The following REPS2 variants were observed in gnomAD, a reference collection of about 807,000 sequenced individuals.
The protein encoded by REPS2 is ralBP1-associated Eps domain-containing protein 2.
Under a neutral mutation model 53.6 loss-of-function variants are expected in REPS2, and 23 were observed. That is an observed-to-expected ratio of 0.43 (90% CI 0.31 to 0.61). The LOEUF (loss-of-function observed/expected upper bound fraction) is 0.61. REPS2 is among the 20% of genes least tolerant of loss of function. REPS2 has a pLI of 0.11. For synonymous variants in REPS2, 238 were observed against 218.6 expected (o/e 1.09, Z -0.78); for missense variants, 446 against 534.9 (o/e 0.83, Z 1.64).
chrX:17,098,655 G>T (rs759919101), intron 13 of REPS2, among the ~76,000 whole-genome samples: 2 of 110,759 alleles, frequency 1.8e-5, no homozygotes, highest in South Asian at 7.7e-4. Context: ...CCACTGCCCA[G>T]TATGAAAGTT....
At chrX:17,057,333 T>A (rs2062084518) in intron 8 of REPS2, among the ~76,000 whole-genome samples, 1 of 112,350 alleles carries the variant, frequency 8.9e-6, no homozygotes, top group Non-Finnish European at 1.9e-5. Context: ...ATAAAAAGTC[T>A]GTCATTTTCT....
chrX:16,986,195 T>C (rs1188854913), intron 1 of REPS2, among the ~76,000 whole-genome samples: 2 of 112,260 alleles, frequency 1.8e-5, no homozygotes. Flanking sequence ...CTTTCTAATA[T>C]GTGTCGGCTC....
rs191693279 is a variant in REPS2, at chrX:17,103,282, C to T, written c.1517-436C>T. Among the ~76,000 whole-genome samples the T allele has an allele frequency of 2.4e-3, 271 of 111,871 alleles. 1 individual carries two copies. The highest frequency in any genetic ancestry group is 7.5e-3 in the African/African-American group (231 of 30,816). On this transcript the variant is annotated intron_variant, in intron 13 of 17. Transcript: ENST00000357277. ...TGGCCAAGCTTCCTCATTTGGGTTC[C>T]AGCTCTCTTAGTTTCTGTAGCCTAC...
At chrX:17,110,328 T>G (rs867384928) in intron 14 of REPS2, among the ~76,000 whole-genome samples, 300 of 105,729 alleles carry the variant, frequency 2.8e-3, no homozygotes, top group Middle Eastern at 9.6e-3. Context: ...TTTTTTTTTT[T>G]GGGAATATCT....
the REPS2 span, among the ~76,000 whole-genome samples, chrX:17,180,616 T>C: frequency 1.0e-5 from 1 of 98,941 alleles, no homozygotes; most frequent in Non-Finnish European, 2.0e-5. Context: ...GTTCTCTCTC[T>C]CTCTCTCTCA....
chrX:17,117,524 G>A (rs1318757311), intron 14 of REPS2, among the ~76,000 whole-genome samples: 8 of 110,534 alleles, frequency 7.2e-5, no homozygotes, highest in Non-Finnish European at 1.3e-4. Context: ...AACATGCAGT[G>A]TTTGGTTTTT....
intron 1 of REPS2, among the ~76,000 whole-genome samples, chrX:16,954,858 T>A (rs1250789506): frequency 1.1e-5 from 1 of 94,971 alleles, no homozygotes; most frequent in African/African-American, 3.8e-5. Context: ...TCGCCCGGGC[T>A]GAAGTGCAGT....
At chrX:17,159,873 G>A in the REPS2 span, among the ~76,000 whole-genome samples, 1 of 112,033 alleles carries the variant, frequency 8.9e-6, no homozygotes, top group African/African-American at 3.2e-5. Context: ...TAGCCAAAAT[G>A]TGACCACTGG....
At chrX:17,066,905 A>G (rs1259482392) in intron 9 of REPS2, among the ~76,000 whole-genome samples, 2 of 111,897 alleles carry the variant, frequency 1.8e-5, no homozygotes, top group Admixed American at 9.5e-5. Flanking sequence ...AAGACTGTTA[A>G]ATCTTAGACC....
intron 14 of REPS2, among the ~76,000 whole-genome samples, chrX:17,118,228 G>C (rs1183742172): frequency 9.1e-6 from 1 of 109,416 alleles, no homozygotes; most frequent in Non-Finnish European, 1.9e-5. Context: ...CAAAGTGCTG[G>C]GATTACAGGC....
the REPS2 span, among the ~76,000 whole-genome samples, chrX:17,159,854 T>G: frequency 8.9e-6 from 1 of 112,010 alleles, no homozygotes; most frequent in Non-Finnish European, 1.9e-5. Context: ...CCTCCTCCTT[T>G]CCTTGAACTA....
At position 17,022,039 on chromosome X, in the gene REPS2, T is replaced by C. The variant is rs1309114227; in HGVS notation, c.398-84T>C. On this transcript the variant is annotated intron_variant, in intron 2 of 17. Coordinates refer to ENST00000357277, the MANE Select transcript of REPS2 (RefSeq NM_004726.3). ...CTCTGGAATTTTTCCTCAAAAATGA[T>C]TCATCGTTTGGCCATTGAGTTCCCC... 4 of 865,387 alleles carry C rather than the reference T, an allele frequency of 4.6e-6. No homozygotes were observed. In the South Asian group the frequency reaches 1.1e-4, roughly 25 times the overall value. 71.3% of individuals were successfully genotyped at this position (865,387 alleles called of 1,213,427 possible).
chrX:17,145,666 C>G (rs2063503161), intron 17 of REPS2, among the ~76,000 whole-genome samples: 1 of 111,542 alleles, frequency 9.0e-6, no homozygotes, highest in Non-Finnish European at 1.9e-5. Flanking sequence ...CTGACGGAAG[C>G]CATTTTCATT....
At chrX:17,027,659 G>GTTTTTT (rs761592588) in intron 4 of REPS2, among the ~76,000 whole-genome samples, 5 of 67,282 alleles carry the variant, frequency 7.4e-5, no homozygotes, top group African/African-American at 1.2e-4. Context: ...AAATCTTTAG[G>GTTTTTT]TTTTTTTTTT....
the REPS2 span, among the ~76,000 whole-genome samples, chrX:17,176,494 CAGAAG>C: frequency 2.7e-5 from 3 of 111,869 alleles, no homozygotes; most frequent in African/African-American, 6.5e-5. Context: ...CAGCAGTATG[CAGAAG>C]AGAAGGAAAT....
chrX:17,191,730 A>G, the REPS2 span, among the ~76,000 whole-genome samples: 1 of 112,661 alleles, frequency 8.9e-6, no homozygotes, highest in Non-Finnish European at 1.9e-5. Flanking sequence ...AACAACATGG[A>G]TTATTCTTAA....
intron 2 of REPS2, among the ~76,000 whole-genome samples, chrX:17,010,909 C>T (rs2061421071): frequency 8.9e-6 from 1 of 111,745 alleles, no homozygotes; most frequent in Non-Finnish European, 1.9e-5. Context: ...AATACAGATG[C>T]CTGGGTCCAT....
At chrX:17,096,152 GGTTGATAGT>G (rs1292712521) in intron 13 of REPS2, among the ~76,000 whole-genome samples, 80 of 111,775 alleles carry the variant, frequency 7.2e-4, no homozygotes, top group South Asian at 1.9e-3. Flanking sequence ...AGTGGTCCCA[GGTTGATAGT>G]ACCCTCAGAT....
intron 13 of REPS2, among the ~76,000 whole-genome samples, chrX:17,102,408 T>TAATTTTAAAGGTCCAATCTGTG: frequency 8.9e-6 from 1 of 111,915 alleles, no homozygotes; most frequent in Non-Finnish European, 1.9e-5. Flanking sequence ...AAGTAACTGT[T>TAATTTTAAAGGTCCAATCTGTG]AATTTTAAAG....
Sources: gnomAD v4.1 joint callset for allele counts (sites outside exome capture counted in the v4.1 genomes callset) on GRCh38, gnomAD v4.1.1 for gene constraint, MANE v1.5 for transcripts, NCBI Gene and HGNC (gene_info 2026-07-23, HGNC 2026-07-21) for gene names.